Variants in DDR1 observed in about 807,000 individuals in gnomAD.
DDR1 encodes discoidin domain receptor tyrosine kinase 1.
Under a neutral mutation model 97.4 loss-of-function variants are expected in DDR1, and 64 were observed. That is an observed-to-expected ratio of 0.66 (90% CI 0.54 to 0.81). The LOEUF is 0.81. Among genes scored for constraint, DDR1 ranks in the 30% least tolerant of loss-of-function variants. The pLI, the probability that DDR1 is intolerant of heterozygous loss-of-function variation, is 0.00. For synonymous variants in DDR1, 458 were observed against 503.7 expected (o/e 0.91, Z 1.21); for missense variants, 990 against 1,259.6 (o/e 0.79, Z 3.24).
Position 30,897,247 on chromosome 6 carries a change from G to A in DDR1, c.1997+106G>A. On this transcript the variant is annotated intron_variant, in intron 14 of 17. Coordinates refer to ENST00000376568, the MANE Select transcript of DDR1 (RefSeq NM_001297654.2). The surrounding 1 kb of genome is among the most constrained non-coding windows in gnomAD (Gnocchi z 5.2). ...AGCCCAACAGAGGGGTGGCATCTCT[G>A]GGAGGGGATTTACATGTACGCTGGG... 3 of 1,534,918 alleles carry A rather than the reference G, an allele frequency of 2.0e-6. No individual in the cohort carries two copies. Among genetic ancestry groups the A allele is most frequent in the Non-Finnish European group, 2.6e-6 (3 of 1,137,884 alleles).
At position 30,899,384 on chromosome 6, in the gene DDR1, C is replaced by T; in HGVS notation, c.*88C>T. 2 of 1,498,398 alleles carry T rather than the reference C, an allele frequency of 1.3e-6. No individual in the cohort carries two copies. Among genetic ancestry groups the T allele is most frequent in the Non-Finnish European group, 9.0e-7 (1 of 1,115,438 alleles). 92.8% of individuals were successfully genotyped at this position (1,498,398 alleles called of 1,614,324 possible). On this transcript the variant is annotated 3_prime_UTR_variant, in exon 18 of 18. Coordinates refer to ENST00000376568, the MANE Select transcript of DDR1 (RefSeq NM_001297654.2). The stretch of plus-strand genomic sequence containing the variant: ...AAGAGGACACAATGGCACCTCTGCC[C>T]TTCCCCTCCCGACAGCCCATCACCT...
Position 30,894,946 on chromosome 6 carries a change from G to A in DDR1, c.1513+275G>A, listed in dbSNP as rs1467015266. On this transcript the variant is annotated intron_variant, in intron 11 of 17. Transcript: ENST00000376568. This position sits in a 1 kb window ranked among gnomAD's most constrained non-coding sequence, Gnocchi z 5.7. ...TGTACCCTCTCATTGTGTCTCCCTG[G>A]CCCCTTTGCTTTGTATTAGACTCAC... Among the ~76,000 whole-genome samples the A allele has an allele frequency of 6.6e-6, 1 of 151,702 alleles. No individual in the cohort carries two copies. The highest frequency in any genetic ancestry group is 1.5e-5 in the Non-Finnish European group (1 of 67,932).
At chr6:30,883,840 G>A (rs1784752028), upstream of DDR1, 1 of 152,932 alleles carries the variant, frequency 6.5e-6, no homozygotes, top group Admixed American at 6.5e-5. This position sits in a 1 kb window ranked among gnomAD's most constrained non-coding sequence, Gnocchi z 4.9. Flanking sequence ...GGCCTTCCAG[G>A]TTGGGTCGTA....
chr6:30,897,255 A>G lies in DDR1; in HGVS notation c.1997+114A>G. The G allele has an allele frequency of 2.6e-6, 3 of 1,147,368 alleles. No individual in the cohort carries two copies. The South Asian group carries it at 4.1e-5, about 16-fold the overall frequency. 71.1% of individuals were successfully genotyped at this position (1,147,368 alleles called of 1,614,324 possible). On this transcript the variant is annotated intron_variant, in intron 14 of 17. Transcript: ENST00000376568. The surrounding 1 kb of genome is among the most constrained non-coding windows in gnomAD (Gnocchi z 5.2). The stretch of plus-strand genomic sequence containing the variant: ...AGAGGGGTGGCATCTCTGGGAGGGG[A>G]TTTACATGTACGCTGGGGGTGGGGA...
chr6:30,883,414 T>C (rs1340863399), upstream of DDR1: 1 of 152,842 alleles, frequency 6.5e-6, no homozygotes, highest in African/African-American at 2.4e-5. This position sits in a 1 kb window ranked among gnomAD's most constrained non-coding sequence, Gnocchi z 4.9. Flanking sequence ...AGCTGTTCTG[T>C]CCCGCTCCAT....
Position 30,891,527 on chromosome 6 carries a change from CTGTGTG to C in DDR1, c.665+73_665+78del, listed in dbSNP as rs9281074. 400 of 797,900 alleles carry C rather than the reference CTGTGTG, an allele frequency of 5.0e-4. No homozygotes were observed. The highest frequency in any genetic ancestry group is 7.0e-4 in the Non-Finnish European group (346 of 491,614). The allele number at this position is 797,900 out of a possible 1,614,324, so 49.4% of individuals were successfully genotyped here. On this transcript the variant is annotated intron_variant, in intron 6 of 17. Coordinates refer to ENST00000376568, the MANE Select transcript of DDR1 (RefSeq NM_001297654.2). The surrounding 1 kb of genome is among the most constrained non-coding windows in gnomAD (Gnocchi z 5.3). The stretch of plus-strand genomic sequence containing the variant: ...ATGGAGTTTGGGGTGGGAGGGAGGA[CTGTGTG>C]TGTGTGTGTGTGTGTGTGTGTGTGA...
chr6:30,895,488 C>T lies in DDR1; in HGVS notation c.1598C>T (p.Ala533Val). ...CGAGGCCCGGGCCCCCCCACACCCG[C>T]CTGGGCCAAACCCACCAACACCCAG... Reference protein sequence around the residue: ...PPRGPGPPTPAWAKPTNTQAY... With the variant: ...PPRGPGPPTPVWAKPTNTQAY... The change falls in exon 12 of 18, where the codon GCC becomes GTC. Residue 533 changes from alanine to valine, a missense_variant. Ala to Val is a moderately conservative substitution (Grantham distance 64, BLOSUM62 0). Transcript: ENST00000376568. The T allele has an allele frequency of 6.2e-7, 1 of 1,603,398 alleles. No homozygotes were observed. The highest frequency in any genetic ancestry group is 8.5e-7 in the Non-Finnish European group (1 of 1,178,098).
chr6:30,892,992 A>G (rs2150365687), intron 8 of DDR1, 76 bp from the exon 9 acceptor site: 1 of 1,287,330 alleles, frequency 7.8e-7, no homozygotes, highest in South Asian at 1.3e-5. Flanking sequence ...CCTTTGCACA[A>G]CAGTCCACTG....
chr6:30,893,325 G>A lies in DDR1; in HGVS notation c.1249G>A (p.Ala417Thr), dbSNP rs1443417219. ...GGCCAAGGCCGAGGGGAGCCCGACCGCCATCCTCATCGGCTGCCTGGTGGC... is the reference window on the plus strand; with the variant it reads ...GGCCAAGGCCGAGGGGAGCCCGACCACCATCCTCATCGGCTGCCTGGTGGC... The part of the protein sequence containing the change: ...PVAKAEGSPT[A>T]ILIGCLVAII... Residue 417 changes from alanine to threonine, a missense_variant, in exon 10 of 18, where the codon GCC becomes ACC. Physicochemically the swap from Ala to Thr is moderately conservative, Grantham distance 58 (BLOSUM62 0). Transcript: ENST00000376568. The A allele has an allele frequency of 8.1e-6, 13 of 1,607,086 alleles. No homozygotes were observed. Among genetic ancestry groups the A allele is most frequent in the Admixed American group, 1.7e-5 (1 of 59,950 alleles).
At chr6:30,885,319 C>A in intron 1 of DDR1, 1 of 1,472,112 alleles carries the variant, frequency 6.8e-7, no homozygotes, top group Non-Finnish European at 9.1e-7. Flanking sequence ...CAGAGGCAGG[C>A]GCCCAAGCTC....
rs2150333693 is a variant in DDR1, at chr6:30,891,357, C to T, written c.566-23C>T. The T allele has an allele frequency of 1.3e-6, 2 of 1,590,030 alleles. No homozygotes were observed. The highest frequency in any genetic ancestry group is 4.5e-5 in the East Asian group (2 of 44,738). ...GGATGGAGCCTTAGTGCCTCTGACCCCCATCCTCTCACCCTGCCCCAGATG... is the reference window on the plus strand; with the variant it reads ...GGATGGAGCCTTAGTGCCTCTGACCTCCATCCTCTCACCCTGCCCCAGATG... On this transcript the variant is annotated intron_variant, in intron 5 of 17. Transcript: ENST00000376568. The surrounding 1 kb of genome is among the most constrained non-coding windows in gnomAD (Gnocchi z 5.3).
Position 30,896,691 on chromosome 6 carries a change from C to T in DDR1, c.1695C>T (p.Ser565=), listed in dbSNP as rs761327466. The change falls in exon 13 of 18, where the codon AGC becomes AGT. Residue 565 remains serine, a synonymous_variant. Transcript: ENST00000376568. ...TTCTGCCCCCACCTCCCCAGAACAG[C>T]GTCCCCCATTATGCCGAGGCTGACA... ...APLLPPPPQN[S]VPHYAEADIV... 4.3e-6 allele frequency: 7 copies of T among 1,610,986 alleles called. No individual in the cohort carries two copies. The highest frequency in any genetic ancestry group is 2.2e-5 in the East Asian group (1 of 44,844).
At position 30,890,818 on chromosome 6, in the gene DDR1, A is replaced by T. The variant is rs1787819337; in HGVS notation, c.418-155A>T. 1 of 675,110 alleles carries T rather than the reference A, an allele frequency of 1.5e-6. No homozygotes were observed. 41.8% of individuals were successfully genotyped at this position (675,110 alleles called of 1,614,324 possible). A position where few individuals can be genotyped will look rare whatever the true frequency, so the allele number is the denominator to read the frequency against. The stretch of plus-strand genomic sequence containing the variant: ...TCAGCTGCAGATCTTCATTTCACCC[A>T]TGCCTGGCTGCGCCCCACAGTGCTG... On this transcript the variant is annotated intron_variant, in intron 4 of 17. Transcript: ENST00000376568. This position sits in a 1 kb window ranked among gnomAD's most constrained non-coding sequence, Gnocchi z 5.0.
intron 8 of DDR1, 165 bp downstream of exon 8, chr6:30,892,707 C>T: frequency 2.3e-6 from 2 of 875,478 alleles, no homozygotes; most frequent in Non-Finnish European, 3.4e-6. Context: ...CCCTTTCTGC[C>T]TCTTGTTCTC....
At position 30,894,425 on chromosome 6, in the gene DDR1, G is replaced by A. The variant is rs1371525685; in HGVS notation, c.1348-81G>A. Reference sequence around the variant, plus strand: ...AGGGCTCTTGTGAGGGCTGAGGGAGGGAACGCAGGGATGGACACAGCAGAG... The same window carrying A: ...AGGGCTCTTGTGAGGGCTGAGGGAGAGAACGCAGGGATGGACACAGCAGAG... On this transcript the variant is annotated intron_variant, in intron 10 of 17. Coordinates refer to ENST00000376568, the MANE Select transcript of DDR1 (RefSeq NM_001297654.2). The surrounding 1 kb of genome is among the most constrained non-coding windows in gnomAD (Gnocchi z 5.7). 2.9e-6 allele frequency: 4 copies of A among 1,393,900 alleles called. No individual in the cohort carries two copies. Among genetic ancestry groups the A allele is most frequent in the Non-Finnish European group, 3.9e-6 (4 of 1,037,798 alleles). The allele number at this position is 1,393,900 out of a possible 1,614,324, so 86.3% of individuals were successfully genotyped here.
In DDR1 at chr6:30,889,781, A is replaced by G. The variant is rs765431458; in HGVS notation, c.417+351A>G. 1.3e-5 allele frequency among the ~76,000 whole-genome samples: 2 copies of G among 151,920 alleles called. No individual in the cohort carries two copies. Among genetic ancestry groups the G allele is most frequent in the Non-Finnish European group, 2.9e-5 (2 of 67,968 alleles). On this transcript the variant is annotated intron_variant, in intron 4 of 17. Transcript: ENST00000376568. The surrounding 1 kb of genome is among the most constrained non-coding windows in gnomAD (Gnocchi z 4.9). Reference sequence around the variant, plus strand: ...ATCTCAAACGTACGTTTAACTTCCCAAGCTGAATTTGATTCCCATTCCCAG... The same window carrying G: ...ATCTCAAACGTACGTTTAACTTCCCGAGCTGAATTTGATTCCCATTCCCAG...
rs774226059 is a variant in DDR1, at chr6:30,894,698, C to T, written c.1513+27C>T. ...TAAGACCTGCCTTGTTCCAGTCGCA[C>T]CTCTGTCCTCTCTGCTGTTTTCTTA... is the stretch of plus-strand genomic sequence containing the variant. On this transcript the variant is annotated intron_variant, in intron 11 of 17. Transcript: ENST00000376568. The surrounding 1 kb of genome is among the most constrained non-coding windows in gnomAD (Gnocchi z 5.7). 6 of 1,542,596 alleles carry T rather than the reference C, an allele frequency of 3.9e-6. No homozygotes were observed. In the Admixed American group the frequency reaches 8.1e-5, roughly 21 times the overall value.
At chr6:30,883,165 G>A (rs1277694569), upstream of DDR1, 1 of 152,338 alleles carries the variant, frequency 6.6e-6, no homozygotes, top group African/African-American at 2.4e-5. The surrounding 1 kb of genome is among the most constrained non-coding windows in gnomAD (Gnocchi z 4.9). Flanking sequence ...GCTTCTTCCT[G>A]GTAGTGCTTT....
Position 30,890,863 on chromosome 6 carries a change from C to A in DDR1, c.418-110C>A. 1 of 1,220,842 alleles carries A rather than the reference C, an allele frequency of 8.2e-7. No individual in the cohort carries two copies. Among genetic ancestry groups the A allele is most frequent in the Non-Finnish European group, 1.1e-6 (1 of 893,482 alleles). 75.6% of individuals were successfully genotyped at this position (1,220,842 alleles called of 1,614,324 possible). A position where few individuals can be genotyped will look rare whatever the true frequency, so the allele number is the denominator to read the frequency against. ...GTGCTGTGTGCTCGGTGCCACCCCT[C>A]ATGGGTCTCTAAGTGGCCACTGTGG... On this transcript the variant is annotated intron_variant, in intron 4 of 17. Coordinates refer to ENST00000376568, the MANE Select transcript of DDR1 (RefSeq NM_001297654.2). The surrounding 1 kb of genome is among the most constrained non-coding windows in gnomAD (Gnocchi z 5.0).
Sources: allele counts gnomAD v4.1 joint callset (sites outside exome capture counted in the v4.1 genomes callset), GRCh38; gene constraint gnomAD v4.1.1; non-coding constraint Gnocchi (gnomAD v3.1); transcripts MANE v1.5; gene names NCBI Gene and HGNC (gene_info 2026-07-23, HGNC 2026-07-21).